The following TMT1B variants were observed in gnomAD, a reference collection of about 807,000 sequenced individuals.
The protein encoded by TMT1B is thiol methyltransferase 1B.
chr12:55,684,194 C>A, the TMT1B span: 2 of 736,298 alleles, frequency 2.7e-6, no homozygotes, highest in Non-Finnish European at 4.5e-6. Flanking sequence ...GTCCCTCTCT[C>A]CCCAACCTCT....
chr12:55,684,132 C>T, the TMT1B span: 1 of 1,272,116 alleles, frequency 7.9e-7, no homozygotes, highest in Non-Finnish European at 1.1e-6. Flanking sequence ...ATCTATCTTC[C>T]ACTGAGAGGG....
chr12:55,683,571 G>C, the TMT1B span, among the ~76,000 whole-genome samples: 1 of 152,122 alleles, frequency 6.6e-6, no homozygotes, highest in Non-Finnish European at 1.5e-5. Flanking sequence ...CATGCCCTCG[G>C]TTATTCTGGT....
At chr12:55,684,343 C>G in the TMT1B span, 1 of 369,552 alleles carries the variant, frequency 2.7e-6, no homozygotes, top group East Asian at 5.7e-5. Context: ...CGTTTGCCTC[C>G]CAATGTTGTC....
the TMT1B span, among the ~76,000 whole-genome samples, chr12:55,682,607 C>CAAA: frequency 9.7e-4 from 101 of 103,962 alleles, no homozygotes; most frequent in Non-Finnish European, 1.3e-3. Context: ...GCCGTCTCTA[C>CAAA]AAAAAAAAAA....
chr12:55,684,232 G>A, the TMT1B span: 13 of 596,424 alleles, frequency 2.2e-5, no homozygotes, highest in South Asian at 7.9e-5. Context: ...CTTCAATCCC[G>A]CCTTCGACAG....
At chr12:55,681,851 A>G in the TMT1B span, 2 of 1,584,234 alleles carry the variant, frequency 1.3e-6, no homozygotes, top group East Asian at 2.3e-5. Context: ...GCCCCTGTGC[A>G]AAAGCTACTT....
the TMT1B span, chr12:55,683,701 C>A: frequency 9.4e-7 from 1 of 1,069,434 alleles, no homozygotes; most frequent in Non-Finnish European, 1.4e-6. Flanking sequence ...GCTCCATGAA[C>A]TCTCAGACCA....
chr12:55,684,199 AC>A, the TMT1B span: 1 of 707,126 alleles, frequency 1.4e-6, no homozygotes, highest in Non-Finnish European at 2.4e-6. Flanking sequence ...TCTCTCCCCA[AC>A]CTCTGCCAGG....
chr12:55,681,978 T>G, the TMT1B span: 9 of 1,614,112 alleles, frequency 5.6e-6, no homozygotes, highest in South Asian at 4.4e-5. Flanking sequence ...GTGGCCCTAC[T>G]GGAGCTGGGC....
the TMT1B span, among the ~76,000 whole-genome samples, chr12:55,683,090 T>C: frequency 4.6e-5 from 7 of 152,188 alleles, no homozygotes; most frequent in Non-Finnish European, 1.0e-4. Flanking sequence ...GAACCCCAGC[T>C]TCAGTCAAGA....
chr12:55,684,086 C>T, the TMT1B span: 2 of 1,591,826 alleles, frequency 1.3e-6, no homozygotes, highest in Non-Finnish European at 1.7e-6. Context: ...TTGCTCCTTC[C>T]CCAGCCTCCA....
the TMT1B span, among the ~76,000 whole-genome samples, chr12:55,682,939 G>C: frequency 2.6e-5 from 4 of 152,172 alleles, no homozygotes; most frequent in African/African-American, 7.2e-5. Flanking sequence ...AGAACGTTCA[G>C]AATAGTTTCC....
At chr12:55,683,368 G>A in the TMT1B span, among the ~76,000 whole-genome samples, 1 of 152,148 alleles carries the variant, frequency 6.6e-6, no homozygotes, top group East Asian at 1.9e-4. Flanking sequence ...GGTGGCTCAT[G>A]CCTGTAATCC....
chr12:55,684,058 A>G, the TMT1B span: 5 of 1,611,752 alleles, frequency 3.1e-6, no homozygotes, highest in African/African-American at 5.3e-5. Context: ...AATCTTTCCC[A>G]AGCTCCAAGG....
the TMT1B span, chr12:55,683,675 A>G: frequency 1.3e-6 from 1 of 797,854 alleles, no homozygotes; most frequent in Non-Finnish European, 2.1e-6. Context: ...AGAAAAGGTC[A>G]GGGGCACGAC....
At chr12:55,684,301 C>T in the TMT1B span, 1 of 464,320 alleles carries the variant, frequency 2.2e-6, no homozygotes, top group Non-Finnish European at 3.9e-6. Flanking sequence ...CTGTTGTATC[C>T]TCAACTGCAA....
chr12:55,683,803 T>A, the TMT1B span: 1 of 1,613,192 alleles, frequency 6.2e-7, no homozygotes, highest in Non-Finnish European at 8.5e-7. Flanking sequence ...AACTCTCTCA[T>A]CCCTCCCAGG....
the TMT1B span, chr12:55,682,355 C>A: frequency 9.1e-7 from 1 of 1,099,074 alleles, no homozygotes; most frequent in Non-Finnish European, 1.3e-6. Flanking sequence ...GTAAGTAGCA[C>A]ATTAGACACC....
At chr12:55,683,367 T>A in the TMT1B span, among the ~76,000 whole-genome samples, 1 of 152,120 alleles carries the variant, frequency 6.6e-6, no homozygotes. Flanking sequence ...TGGTGGCTCA[T>A]GCCTGTAATC....
Sources: gnomAD v4.1 joint callset for allele counts (sites outside exome capture counted in the v4.1 genomes callset) on GRCh38, gnomAD v4.1.1 for gene constraint, MANE v1.5 for transcripts, NCBI Gene and HGNC (gene_info 2026-07-23, HGNC 2026-07-21) for gene names.